Variants in GIMAP6 observed in about 807,000 individuals in gnomAD.
GIMAP6 encodes GTPase, IMAP family member 6.
In GIMAP6, 6 loss-of-function variants were observed where a neutral mutation model predicts 9.3. The observed-to-expected ratio is 0.65, with a 90% CI of 0.35 to 1.27. The LOEUF is 1.27. Ranked by LOEUF, GIMAP6 falls within the 50% of genes most tolerant of loss-of-function variation. The pLI, the probability that GIMAP6 is intolerant of heterozygous loss-of-function variation, is 0.03. For synonymous variants in GIMAP6, 156 were observed against 151.1 expected (o/e 1.03, Z -0.24); for missense variants, 333 against 359.5 (o/e 0.93, Z 0.60).
chr7:150,630,922 C>T (rs1193583345), intron 1 of GIMAP6, among the ~76,000 whole-genome samples: 1 of 152,206 alleles, frequency 6.6e-6, no homozygotes, highest in Non-Finnish European at 1.5e-5. Context: ...CCAGGAACTC[C>T]TGTCCCCTTT....
chr7:150,629,921 T>C, intron 2 of GIMAP6, 137 bp downstream of exon 2: 1 of 681,572 alleles, frequency 1.5e-6, no homozygotes, highest in Non-Finnish European at 2.5e-6. Flanking sequence ...CAAAGGCCTC[T>C]GATGGTGGCT....
At position 150,630,079 on chromosome 7, in the gene GIMAP6, G is replaced by T. The variant is rs866496608; in HGVS notation, c.64C>A (p.Pro22Thr). ...TTACCTCCTGACAGCTCCAGCACAG[G>T]ATCCTGGGACAGCTCTTCTGGGGGA... ...ENPPEELSQD[P>T]VLELSGGLRE... The change falls in exon 2 of 3, where the codon CCT becomes ACT. Residue 22 changes from proline (P) to threonine (T), a missense_variant. Pro to Thr is a conservative substitution (Grantham distance 38). Transcript: ENST00000328902. The T allele has an allele frequency of 6.3e-7, 1 of 1,589,148 alleles. No homozygotes were observed. Among genetic ancestry groups the T allele is most frequent in the African/African-American group, 1.4e-5 (1 of 72,040 alleles).
rs922532694 is a variant in GIMAP6 at position 150,628,369 on chromosome 7, T to C, written c.229A>G (p.Lys77Glu). Reference sequence around the variant, plus strand: ...TCTCGGCTCCGTCTCTGGGAGGTCTTGGTCACGGGTCTGGTGCTGAGTTTA... The same window carrying C: ...TCTCGGCTCCGTCTCTGGGAGGTCTCGGTCACGGGTCTGGTGCTGAGTTTA... ...ESKLSTRPVT[K>E]TSQRRSREWA... The change falls in exon 3 of 3, where the codon AAG (lysine) becomes GAG (glutamate). Residue 77 changes from lysine (K) to glutamate (E), a missense_variant. Physicochemically the swap from Lys to Glu is moderately conservative, Grantham distance 56 (BLOSUM62 1). Coordinates refer to ENST00000328902, the MANE Select transcript of GIMAP6 (RefSeq NM_024711.6). 1.2e-6 allele frequency: 2 copies of C among 1,613,996 alleles called. No homozygotes were observed. Among genetic ancestry groups the C allele is most frequent in the African/African-American group, 1.3e-5 (1 of 74,930 alleles).
At chr7:150,631,584 C>G (rs1563338261) in intron 1 of GIMAP6, among the ~76,000 whole-genome samples, 1 of 152,176 alleles carries the variant, frequency 6.6e-6, no homozygotes, top group South Asian at 2.1e-4. Context: ...CCGGGTGGGA[C>G]TAGGCTGTGG....
chr7:150,627,432 T>C lies in GIMAP6; in HGVS notation c.*287A>G. On this transcript the variant is annotated 3_prime_UTR_variant, in exon 3 of 3. Transcript: ENST00000328902. ...TTGGTTCTATCAGAGTATAGACAAG[T>C]AACTCATGAAAGGCAATGCAATGAG... 1 of 425,176 alleles carries C rather than the reference T, an allele frequency of 2.4e-6. No homozygotes were observed. The highest frequency in any genetic ancestry group is 4.0e-6 in the Non-Finnish European group (1 of 247,934). 26.3% of individuals were successfully genotyped at this position (425,176 alleles called of 1,614,324 possible). A position where few individuals can be genotyped will look rare whatever the true frequency, so the allele number is the denominator to read the frequency against.
At chr7:150,630,002 G>T in intron 2 of GIMAP6, 56 bp downstream of exon 2, 1 of 1,164,674 alleles carries the variant, frequency 8.6e-7, no homozygotes. Flanking sequence ...GTGGAGCTGT[G>T]TCCCACCTGC....
rs776783270 is a variant in GIMAP6, at chr7:150,628,592, G to T, written c.86-80C>A. 9 of 1,597,856 alleles carry T rather than the reference G, an allele frequency of 5.6e-6. No homozygotes were observed. The East Asian group carries it at 1.6e-4, about 28-fold the overall frequency. On this transcript the variant is annotated intron_variant, in intron 2 of 2. Coordinates refer to ENST00000328902, the MANE Select transcript of GIMAP6 (RefSeq NM_024711.6). ...TCTTGTCATCACCAGGAGCCTCTGG[G>T]TGTACCCCCAGACTGCAGGGGCAGA... is the stretch of plus-strand genomic sequence containing the variant.
At chr7:150,628,832 T>C (rs1796346408) in intron 2 of GIMAP6, 4 of 1,115,680 alleles carry the variant, frequency 3.6e-6, no homozygotes, top group Non-Finnish European at 2.4e-6. Context: ...CTCCTGGCCT[T>C]GCGGGTCCCA....
Position 150,628,280 on chromosome 7 carries a change from T to C in GIMAP6, c.318A>G (p.Pro106=). 1 of 1,614,156 alleles carries C rather than the reference T, an allele frequency of 6.2e-7. No homozygotes were observed. The highest frequency in any genetic ancestry group is 8.5e-7 in the Non-Finnish European group (1 of 1,179,994). The change falls in exon 3 of 3, where the codon CCA becomes CCG. Residue 106 remains proline (P), a synonymous_variant. Coordinates refer to ENST00000328902, the MANE Select transcript of GIMAP6 (RefSeq NM_024711.6). ...TPNILSPQVS[P]EVADAICQAI... ...CTTGGCAGATAGCGTCTGCCACCTCTGGCGAGACCTGGGGGGACAGAATGT... is the reference window on the plus strand; with the variant it reads ...CTTGGCAGATAGCGTCTGCCACCTCCGGCGAGACCTGGGGGGACAGAATGT...
intron 1 of GIMAP6, among the ~76,000 whole-genome samples, chr7:150,631,938 C>T (rs980703792): frequency 1.2e-4 from 18 of 151,906 alleles, no homozygotes; most frequent in African/African-American, 4.1e-4. Context: ...ACACAAAACA[C>T]ATGTACCACT....
rs770284699 is a variant in GIMAP6, at chr7:150,628,370, G to C, written c.228C>G (p.Thr76=). The change falls in exon 3 of 3, where the codon ACC becomes ACG. Residue 76 remains threonine (T), a synonymous_variant. Transcript: ENST00000328902. ...FESKLSTRPV[T]KTSQRRSREW... ...CTCGGCTCCGTCTCTGGGAGGTCTT[G>C]GTCACGGGTCTGGTGCTGAGTTTAG... 7 of 1,614,140 alleles carry C rather than the reference G, an allele frequency of 4.3e-6. No individual in the cohort carries two copies. Among genetic ancestry groups the C allele is most frequent in the Non-Finnish European group, 5.9e-6 (7 of 1,179,994 alleles).
rs1173876260 is a variant in GIMAP6 at position 150,628,339 on chromosome 7, C to A, written c.259G>T (p.Ala87Ser). The A allele has an allele frequency of 1.9e-6, 3 of 1,614,072 alleles. No homozygotes were observed. The highest frequency in any genetic ancestry group is 2.5e-6 in the Non-Finnish European group (3 of 1,179,954). Residue 87 changes from alanine (A) to serine (S), a missense_variant, in exon 3 of 3, where the codon GCT becomes TCT. Transcript: ENST00000328902. Reference protein sequence around the residue: ...KTSQRRSREWAGKELEVIDTP... With the variant: ...KTSQRRSREWSGKELEVIDTP... ...TCAATCACCTCAAGCTCCTTCCCAG[C>A]CCACTCTCGGCTCCGTCTCTGGGAG...
At position 150,627,920 on chromosome 7, in the gene GIMAP6, G is replaced by T; in HGVS notation, c.678C>A (p.Asn226Lys). ...CCTTGTTGCTGTAATAATCTCCTTCGTTTTCCCACATAATGGCTTCAACTT... is the reference window on the plus strand; with the variant it reads ...CCTTGTTGCTGTAATAATCTCCTTCTTTTTCCCACATAATGGCTTCAACTT... Reference protein sequence around the residue: ...MEKVEAIMWENEGDYYSNKAY... With the variant: ...MEKVEAIMWEKEGDYYSNKAY... The change falls in exon 3 of 3, where the codon AAC (asparagine) becomes AAA (lysine). Residue 226 changes from asparagine (N) to lysine (K), a missense_variant. Physicochemically the swap from Asn to Lys is moderately conservative, Grantham distance 94 (BLOSUM62 0). Coordinates refer to ENST00000328902, the MANE Select transcript of GIMAP6 (RefSeq NM_024711.6). 1 of 1,614,206 alleles carries T rather than the reference G, an allele frequency of 6.2e-7. No individual in the cohort carries two copies. The highest frequency in any genetic ancestry group is 8.5e-7 in the Non-Finnish European group (1 of 1,180,038).
rs1224741137 is a variant in GIMAP6, at chr7:150,628,179, T to A, written c.419A>T (p.Gln140Leu). 1.2e-6 allele frequency: 2 copies of A among 1,614,210 alleles called. No homozygotes were observed. The highest frequency in any genetic ancestry group is 1.7e-6 in the Non-Finnish European group (2 of 1,180,036). ...CTCCTGCAGGCGCCTGACCACCTGC[T>A]GATCCTCATCCGTGAACCGGCCCAG... ...TQLGRFTDED[Q>L]QVVRRLQEVF... is the part of the protein sequence containing the mutation. The change falls in exon 3 of 3, where the codon CAG (glutamine) becomes CTG (leucine). Residue 140 changes from glutamine (Q) to leucine (L), a missense_variant. Physicochemically the swap from Gln to Leu is moderately radical, Grantham distance 113. Coordinates refer to ENST00000328902, the MANE Select transcript of GIMAP6 (RefSeq NM_024711.6).
In GIMAP6 at chr7:150,628,405, C is replaced by T. The variant is rs17173519; in HGVS notation, c.193G>A (p.Val65Ile). ...CTGGTGCTGAGTTTAGACTCGAAGA[C>T]GTCCCTGCCGAGGATGCTGTTTCCT... ...ATGNSILGRD[V>I]FESKLSTRPV... Residue 65 changes from valine (V) to isoleucine (I), a missense_variant, in exon 3 of 3, where the codon GTC (valine) becomes ATC (isoleucine). By Grantham distance (29) the Val-to-Ile change is conservative. Transcript: ENST00000328902. The T allele has an allele frequency of 8.5e-4, 1,380 of 1,614,158 alleles. 8 individuals carry two copies. In the African/African-American group the frequency reaches 0.016, roughly 18 times the overall value.
Position 150,628,213 on chromosome 7 carries a change from C to G in GIMAP6, c.385G>C (p.Val129Leu), listed in dbSNP as rs146934553. The G allele has an allele frequency of 3.2e-5, 52 of 1,614,100 alleles. No individual in the cohort carries two copies. Among genetic ancestry groups the G allele is most frequent in the Non-Finnish European group, 4.2e-5 (49 of 1,180,038 alleles). The change falls in exon 3 of 3, where the codon GTG becomes CTG. Residue 129 changes from valine (V) to leucine (L), a missense_variant. Coordinates refer to ENST00000328902, the MANE Select transcript of GIMAP6 (RefSeq NM_024711.6). ...SAPGPHAVLL[V>L]TQLGRFTDED... The stretch of plus-strand genomic sequence containing the variant: ...TCCGTGAACCGGCCCAGTTGTGTCA[C>G]CAGGAGCACGGCGTGGGGCCCTGGG...
intron 2 of GIMAP6, 72 bp downstream of exon 2, chr7:150,629,986 A>G (rs574306482): frequency 6.1e-4 from 609 of 992,300 alleles, no homozygotes; most frequent in Non-Finnish European, 8.4e-4. Flanking sequence ...CAAGCACACT[A>G]TGGTGGTGGA....
chr7:150,627,387 A>G lies in GIMAP6; in HGVS notation c.*332T>C. 2.6e-6 allele frequency: 1 copy of G among 378,212 alleles called. No homozygotes were observed. Among genetic ancestry groups the G allele is most frequent in the Non-Finnish European group, 4.9e-6 (1 of 203,018 alleles). The allele number at this position is 378,212 out of a possible 1,614,324, so 23.4% of individuals were successfully genotyped here. A position where few individuals can be genotyped will look rare whatever the true frequency, so the allele number is the denominator to read the frequency against. ...GAAGTTACACAGAAGTAAAAGATAC[A>G]GGCCTGCCCTCAAGAAACTTTGGTT... is the stretch of plus-strand genomic sequence containing the variant. On this transcript the variant is annotated 3_prime_UTR_variant, in exon 3 of 3. Coordinates refer to ENST00000328902, the MANE Select transcript of GIMAP6 (RefSeq NM_024711.6).
Position 150,628,204 on chromosome 7 carries a change from G to T in GIMAP6, c.394C>A (p.Leu132Met). 1 of 1,614,240 alleles carries T rather than the reference G, an allele frequency of 6.2e-7. No homozygotes were observed. Among genetic ancestry groups the T allele is most frequent in the East Asian group, 2.2e-5 (1 of 44,886 alleles). Reference protein sequence around the residue: ...GPHAVLLVTQLGRFTDEDQQV... With the variant: ...GPHAVLLVTQMGRFTDEDQQV... ...TGATCCTCATCCGTGAACCGGCCCA[G>T]TTGTGTCACCAGGAGCACGGCGTGG... Residue 132 changes from leucine (L) to methionine (M), a missense_variant, in exon 3 of 3, where the codon CTG (leucine) becomes ATG (methionine). Transcript: ENST00000328902.
Sources: gnomAD v4.1 joint callset for allele counts (sites outside exome capture counted in the v4.1 genomes callset) on GRCh38, gnomAD v4.1.1 for gene constraint, MANE v1.5 for transcripts, NCBI Gene and HGNC (gene_info 2026-07-23, HGNC 2026-07-21) for gene names.